KIF15: variants seen among roughly 807,000 people sequenced by gnomAD.
The protein encoded by KIF15 is kinesin family member 15, also known as kinesin-like protein KIF15.
KIF15 carries 140 observed loss-of-function variants against 190.6 expected under a neutral mutation model. The ratio of observed to expected loss-of-function variants is 0.73; its 90% confidence interval spans 0.64 to 0.84. The LOEUF is 0.84. Among genes scored for constraint, KIF15 ranks in the 40% least tolerant of loss-of-function variants. The pLI is 0.00. For missense variants in KIF15, 1,372 were observed against 1,584.4 expected (o/e 0.87, Z 2.28); for synonymous variants, 528 against 551.3 (o/e 0.96, Z 0.59).
intron 1 of KIF15, chr3:44,765,983 C>G: frequency 6.3e-6 from 1 of 159,102 alleles, no homozygotes; most frequent in Non-Finnish European, 1.4e-5. Flanking sequence ...CAGGCATGTG[C>G]CACCATGCCC....
At chr3:44,779,151 G>A (rs1041488977) in intron 4 of KIF15, among the ~76,000 whole-genome samples, 1 of 152,012 alleles carries the variant, frequency 6.6e-6, no homozygotes, top group African/African-American at 2.4e-5. Context: ...TTGCCCAATG[G>A]GCCCTCCTTG....
Position 44,801,966 on chromosome 3 carries a change from C to A in KIF15, c.1501C>A (p.Arg501=). 6.2e-7 allele frequency: 1 copy of A among 1,606,032 alleles called. No individual in the cohort carries two copies. The part of the protein sequence containing the change: ...SELRNEIQTL[R]EQIEHHPRVA... The stretch of plus-strand genomic sequence containing the variant: ...ATTAAGGAATGAGATTCAAACTCTG[C>A]GAGAACAAGTGAGTATACGGCATCT... Residue 501 remains arginine (R), a synonymous_variant, in exon 13 of 35, where the codon CGA becomes AGA. Transcript: ENST00000326047.
chr3:44,829,414 C>CGCATATATAATAT (rs1697860811), intron 24 of KIF15, among the ~76,000 whole-genome samples: 1 of 135,676 alleles, frequency 7.4e-6, no homozygotes, highest in African/African-American at 2.8e-5. Context: ...ATATATATTA[C>CGCATATATAATAT]ATATGTATAT....
At chr3:44,824,625 G>A (rs1697542822) in intron 20 of KIF15, among the ~76,000 whole-genome samples, 1 of 152,112 alleles carries the variant, frequency 6.6e-6, no homozygotes, top group African/African-American at 2.4e-5. Flanking sequence ...TTGTTTTGAA[G>A]TCACTAATCT....
At chr3:44,785,787 T>C (rs1352299360) in intron 6 of KIF15, among the ~76,000 whole-genome samples, 1 of 152,188 alleles carries the variant, frequency 6.6e-6, no homozygotes, top group Non-Finnish European at 1.5e-5. Flanking sequence ...ACATCAAATA[T>C]ATAAGACAGA....
chr3:44,811,975 G>C (rs2125658160), intron 17 of KIF15, among the ~76,000 whole-genome samples: 1 of 152,270 alleles, frequency 6.6e-6, no homozygotes, highest in Non-Finnish European at 1.5e-5. Flanking sequence ...TGGACCACAA[G>C]TGTAAATCTG....
chr3:44,852,055 T>G lies in KIF15; in HGVS notation c.3972+103T>G, dbSNP rs1030718552. ...GTGATTGGGTGTCCTTAGTTCAGAGTTGCTTTATTGTATGAAGAGTTGTGA... is the reference window on the plus strand; with the variant it reads ...GTGATTGGGTGTCCTTAGTTCAGAGGTGCTTTATTGTATGAAGAGTTGTGA... On this transcript the variant is annotated intron_variant, in intron 33 of 34. Transcript: ENST00000326047. The G allele has an allele frequency of 2.8e-6, 4 of 1,445,318 alleles. No individual in the cohort carries two copies. The East Asian group carries it at 9.3e-5, about 33-fold the overall frequency. The allele number at this position is 1,445,318 out of a possible 1,614,324, so 89.5% of individuals were successfully genotyped here.
intron 6 of KIF15, chr3:44,865,158 C>T: frequency 6.2e-7 from 1 of 1,614,164 alleles, no homozygotes; most frequent in South Asian, 1.1e-5. Context: ...ACCTGGAAGC[C>T]CCTTCCACAC....
intron 6 of KIF15, chr3:44,865,365 A>C (rs1699309967): frequency 1.2e-5 from 9 of 749,846 alleles, no homozygotes; most frequent in Non-Finnish European, 1.9e-5. Context: ...GCAGTGTTCT[A>C]CCGGAAGTGT....
At position 44,810,869 on chromosome 3, in the gene KIF15, C is replaced by G; in HGVS notation, c.1995C>G (p.Ala665=). 6.2e-7 allele frequency: 1 copy of G among 1,613,556 alleles called. No homozygotes were observed. Among genetic ancestry groups the G allele is most frequent in the Non-Finnish European group, 8.5e-7 (1 of 1,179,864 alleles). Residue 665 remains alanine, a synonymous_variant, in exon 17 of 35, where the codon GCC becomes GCG. Transcript: ENST00000326047. The stretch of plus-strand genomic sequence containing the variant: ...AGATTATAACTACACCAACCAAGGC[C>G]TACCAACTTCATTCCCGACCAGTAC... ...TLKIITTPTK[A]YQLHSRPVPK...
At chr3:44,853,304 T>G (rs1182003739), downstream of KIF15, 2 of 152,240 alleles carry the variant, frequency 1.3e-5, no homozygotes, top group African/African-American at 4.8e-5. Flanking sequence ...AACACATACT[T>G]AATGAACACC....
intron 14 of KIF15, among the ~76,000 whole-genome samples, chr3:44,803,419 T>C (rs1331209646): frequency 2.0e-5 from 3 of 152,214 alleles, no homozygotes; most frequent in Non-Finnish European, 4.4e-5. Flanking sequence ...GCACAGTGTT[T>C]GGGTCCTGAT....
At chr3:44,779,960 T>C (rs1428302867) in intron 4 of KIF15, among the ~76,000 whole-genome samples, 1 of 152,128 alleles carries the variant, frequency 6.6e-6, no homozygotes, top group Non-Finnish European at 1.5e-5. Flanking sequence ...TACTGTTTTC[T>C]AGTTTTGGGG....
intron 3 of KIF15, among the ~76,000 whole-genome samples, chr3:44,776,900 T>C (rs1344875361): frequency 6.6e-6 from 1 of 152,172 alleles, no homozygotes; most frequent in Non-Finnish European, 1.5e-5. Flanking sequence ...ATGGTTAGTG[T>C]GTATGAAGAA....
intron 32 of KIF15, among the ~76,000 whole-genome samples, chr3:44,851,009 C>T (rs563891244): frequency 6.6e-6 from 1 of 152,158 alleles, no homozygotes; most frequent in African/African-American, 2.4e-5. Context: ...CACCTGTAGT[C>T]CCAGGATTTT....
chr3:44,790,653 A>C (rs1706642902), intron 7 of KIF15, among the ~76,000 whole-genome samples: 2 of 146,200 alleles, frequency 1.4e-5, no homozygotes, highest in Non-Finnish European at 3.0e-5. Context: ...TCTTTTGATT[A>C]CCATTTGCCT....
At chr3:44,804,884 G>T (rs1707422503) in intron 14 of KIF15, 143 bp from the exon 15 acceptor site, 1 of 719,042 alleles carries the variant, frequency 1.4e-6, no homozygotes, top group Non-Finnish European at 2.2e-6. Context: ...TAAAGCAGGG[G>T]GTTCACTTGA....
At chr3:44,853,458 G>A (rs1462438989), downstream of KIF15, among the ~76,000 whole-genome samples, 1 of 152,166 alleles carries the variant, frequency 6.6e-6, no homozygotes, top group Admixed American at 6.5e-5. Flanking sequence ...ACAGCTGATG[G>A]ATACTTGAAT....
At chr3:44,772,017 C>T (rs1282224450) in intron 1 of KIF15, among the ~76,000 whole-genome samples, 1 of 152,076 alleles carries the variant, frequency 6.6e-6, no homozygotes, top group East Asian at 1.9e-4. Flanking sequence ...TAAAAGGTAC[C>T]ACAGCTCTTC....
Sources: gnomAD v4.1 joint callset for allele counts (sites outside exome capture counted in the v4.1 genomes callset) on GRCh38, gnomAD v4.1.1 for gene constraint, MANE v1.5 for transcripts, NCBI Gene and HGNC (gene_info 2026-07-23, HGNC 2026-07-21) for gene names.